ASIC2: variants seen among roughly 807,000 people sequenced by gnomAD.
The protein encoded by ASIC2 is acid sensing ion channel subunit 2, also known as acid-sensing ion channel 2.
Under a neutral mutation model 57.3 loss-of-function variants are expected in ASIC2, and 25 were observed. The ratio of observed to expected loss-of-function variants is 0.44; its 90% CI spans 0.32 to 0.61. The LOEUF is 0.61. Among genes scored for constraint, ASIC2 ranks in the 20% least tolerant of loss-of-function variants. The pLI is 0.06. For missense variants in ASIC2, 641 were observed against 738.1 expected (o/e 0.87, Z 1.52); for synonymous variants, 319 against 307.5 (o/e 1.04, Z -0.39).
intron 1 of ASIC2, among the ~76,000 whole-genome samples, chr17:33,429,430 G>C (rs897465290): frequency 1.6e-4 from 24 of 151,720 alleles, no homozygotes; most frequent in Non-Finnish European, 2.8e-4. Context: ...TCGCTCTGTC[G>C]CCCAGGCTGG....
chr17:33,185,687 G>A (rs1322661023), intron 1 of ASIC2, among the ~76,000 whole-genome samples: 1 of 152,174 alleles, frequency 6.6e-6, no homozygotes, highest in Non-Finnish European at 1.5e-5. Flanking sequence ...ATCTGCAGAA[G>A]GTCTCCCTTC....
chr17:33,719,562 T>A (rs1204000323), intron 1 of ASIC2, among the ~76,000 whole-genome samples: 1 of 152,200 alleles, frequency 6.6e-6, no homozygotes, highest in Non-Finnish European at 1.5e-5. Context: ...CTAGAAACAT[T>A]GTCATAATAG....
At chr17:33,579,325 G>A (rs1017023341) in intron 1 of ASIC2, among the ~76,000 whole-genome samples, 2 of 150,356 alleles carry the variant, frequency 1.3e-5, no homozygotes, top group African/African-American at 2.5e-5. Context: ...TGACTCAGAT[G>A]TTGGCTCAGG....
At chr17:33,422,860 G>C (rs930655468) in intron 1 of ASIC2, among the ~76,000 whole-genome samples, 1 of 152,154 alleles carries the variant, frequency 6.6e-6, no homozygotes, top group African/African-American at 2.4e-5. Flanking sequence ...TGGTATACCC[G>C]GGTGATGATC....
rs547467486 is a variant in ASIC2 at position 33,845,181 on chromosome 17, C to T, written c.555+310797G>A. Among the ~76,000 whole-genome samples the T allele has an allele frequency of 1.6e-4, 24 of 152,316 alleles. No homozygotes were observed. In the South Asian group the frequency reaches 4.6e-3, roughly 29 times the overall value. ...TAAGGTTCTGCAAGTCAAGTTAGTG[C>T]TATACTATTGATACCTAATTCTATC... On this transcript the variant is annotated intron_variant, in intron 1 of 9. Transcript: ENST00000359872.
chr17:33,917,147 C>T (rs1394765198), intron 1 of ASIC2, among the ~76,000 whole-genome samples: 4 of 152,182 alleles, frequency 2.6e-5, no homozygotes, highest in African/African-American at 9.7e-5. Context: ...TTCCTCCCCA[C>T]AAATGTTGGT....
chr17:33,915,016 C>T (rs188826), intron 1 of ASIC2, among the ~76,000 whole-genome samples: 129,823 of 152,234 alleles, frequency 0.85, 55,504 homozygotes, highest in East Asian at 0.94. Flanking sequence ...GAAGGGTTAG[C>T]ACCAAACACA....
chr17:34,112,324 C>G (rs1049158400), intron 1 of ASIC2, among the ~76,000 whole-genome samples: 2 of 152,032 alleles, frequency 1.3e-5, no homozygotes, highest in African/African-American at 2.4e-5. Context: ...CTGAACTCAT[C>G]ATAATAAATT....
Position 33,671,667 on chromosome 17 carries a change from G to A in ASIC2, c.555+484311C>T, listed in dbSNP as rs149141708. Among the ~76,000 whole-genome samples, 57 of 152,260 alleles carry A rather than the reference G, an allele frequency of 3.7e-4. 3 individuals are homozygous for A. The highest frequency in any genetic ancestry group is 1.3e-3 in the African/African-American group (55 of 41,532). On this transcript the variant is annotated intron_variant, in intron 1 of 9. Transcript: ENST00000359872. The stretch of plus-strand genomic sequence containing the variant: ...CACTTGGGAGGGTCCAAAGGTCTTG[G>A]GAAGGCTACAATTAGTAAGTACATC...
At chr17:33,151,376 G>GAA (rs373077574) in intron 1 of ASIC2, among the ~76,000 whole-genome samples, 1 of 141,574 alleles carries the variant, frequency 7.1e-6, no homozygotes, top group Non-Finnish European at 1.6e-5. Flanking sequence ...TTTGTCTCAA[G>GAA]AAAAAAAAAA....
intron 1 of ASIC2, among the ~76,000 whole-genome samples, chr17:33,764,964 A>G (rs879581845): frequency 6.6e-6 from 1 of 152,136 alleles, no homozygotes; most frequent in Non-Finnish European, 1.5e-5. Context: ...GCTGACCTGT[A>G]AAACTGCTGC....
chr17:33,518,990 T>C (rs1035031900), intron 1 of ASIC2, among the ~76,000 whole-genome samples: 7 of 152,008 alleles, frequency 4.6e-5, no homozygotes, highest in African/African-American at 1.7e-4. Context: ...CCAGCTAATT[T>C]TTTGTATTTT....
chr17:33,399,589 C>T (rs1910208118), intron 1 of ASIC2, among the ~76,000 whole-genome samples: 1 of 152,216 alleles, frequency 6.6e-6, no homozygotes, highest in African/African-American at 2.4e-5. Context: ...CCACCATATG[C>T]AGGCATAGTG....
intron 1 of ASIC2, among the ~76,000 whole-genome samples, chr17:33,215,927 C>G (rs929384045): frequency 5.3e-5 from 8 of 152,126 alleles, no homozygotes; most frequent in Non-Finnish European, 1.0e-4. Context: ...TCTTGATCTC[C>G]TGACCTCGTG....
chr17:33,099,708 A>G (rs970202575), intron 2 of ASIC2, among the ~76,000 whole-genome samples: 3 of 152,178 alleles, frequency 2.0e-5, no homozygotes, highest in Admixed American at 6.5e-5. Context: ...TGGTGTTCAG[A>G]TTATCACCCT....
intron 1 of ASIC2, among the ~76,000 whole-genome samples, chr17:33,390,889 G>A (rs2141952468): frequency 6.6e-6 from 1 of 152,300 alleles, no homozygotes; most frequent in South Asian, 2.1e-4. Flanking sequence ...TGGCACTCAA[G>A]GCTAACCCAC....
At chr17:33,053,068 G>A (rs950417306) in intron 3 of ASIC2, among the ~76,000 whole-genome samples, 2 of 152,200 alleles carry the variant, frequency 1.3e-5, no homozygotes, top group African/African-American at 4.8e-5. Flanking sequence ...ATTGCAATGT[G>A]AGTGAGAAAC....
intron 1 of ASIC2, among the ~76,000 whole-genome samples, chr17:34,124,839 A>G (rs933088673): frequency 6.6e-6 from 1 of 151,856 alleles, no homozygotes; most frequent in Non-Finnish European, 1.5e-5. Flanking sequence ...ATCTAAGCCT[A>G]ATTACCTCCC....
At chr17:33,737,564 C>G (rs60820914) in intron 1 of ASIC2, among the ~76,000 whole-genome samples, 70 of 152,316 alleles carry the variant, frequency 4.6e-4, no homozygotes, top group African/African-American at 1.5e-3. Context: ...TATTTAACTT[C>G]TTTGAACTTC....
Sources: gnomAD v4.1 joint callset for allele counts (sites outside exome capture counted in the v4.1 genomes callset) on GRCh38, gnomAD v4.1.1 for gene constraint, MANE v1.5 for transcripts, NCBI Gene and HGNC (gene_info 2026-07-23, HGNC 2026-07-21) for gene names.